Variants in SORBS2 observed in about 807,000 individuals in gnomAD.
SORBS2 encodes the protein sorbin and SH3 domain-containing protein 2.
Under a neutral mutation model 97.7 loss-of-function variants are expected in SORBS2, and 46 were observed. The ratio of observed to expected loss-of-function variants is 0.47; its 90% CI spans 0.37 to 0.60. The LOEUF is 0.60. Ranked by LOEUF, SORBS2 falls within the 20% of genes least tolerant of loss-of-function variation. The probability of loss-of-function intolerance (pLI) is 0.00; values close to 1 mark genes in which losing one functional copy is unlikely to be tolerated. For synonymous variants in SORBS2, 476 were observed against 473.4 expected, an observed-to-expected ratio of 1.01 and a Z score of -0.07; for missense variants, 1,316 against 1,282.3, an observed-to-expected ratio of 1.03 and a Z score of -0.40.
intron 5 of SORBS2, 92 bp from the exon 18 acceptor site, chr4:185,627,111 G>A (rs994950562): frequency 1.1e-5 from 12 of 1,070,176 alleles, no homozygotes; most frequent in Admixed American, 3.5e-5. Context: ...TGACAATGGC[G>A]TAACTCCTAA....
At chr4:185,646,734 C>A in exon 4 of SORBS2, 1 of 1,614,012 alleles carries the variant, frequency 6.2e-7, no homozygotes, top group Non-Finnish European at 8.5e-7. Context: ...TTGGCTCAGA[C>A]CGAAATTTTC....
intron 2 of SORBS2, among the ~76,000 whole-genome samples, chr4:185,762,550 A>G (rs1442901312): frequency 2.6e-5 from 4 of 152,154 alleles, no homozygotes; most frequent in Non-Finnish European, 5.9e-5. Context: ...GAGAGACTGA[A>G]GGTAAATCAG....
Position 185,587,719 on chromosome 4 carries a change from G to A in SORBS2, c.2954-31C>T, listed in dbSNP as rs754464510. On this transcript the variant is annotated intron_variant, in intron 14 of 14. Transcript: ENST00000418609. ...AATAGAAGCGAGTCATGAAAGGGGG[G>A]TGACAACGATATCAGTTCATACACA... 29 of 1,551,370 alleles carry A rather than the reference G, an allele frequency of 1.9e-5. No homozygotes were observed. In the Admixed American group the frequency reaches 4.7e-4, roughly 25 times the overall value.
At chr4:185,768,722 A>AC (rs2098952192) in intron 2 of SORBS2, among the ~76,000 whole-genome samples, 1 of 151,648 alleles carries the variant, frequency 6.6e-6, no homozygotes. Flanking sequence ...CAAAAAAACA[A>AC]AAAAAAATGC....
At chr4:185,754,090 TA>T (rs2098816906) in intron 2 of SORBS2, among the ~76,000 whole-genome samples, 1 of 152,128 alleles carries the variant, frequency 6.6e-6, no homozygotes, top group African/African-American at 2.4e-5. Context: ...AGATATGGTA[TA>T]TACACACCAT....
At chr4:185,793,009 G>A (rs773317509) in intron 1 of SORBS2, among the ~76,000 whole-genome samples, 2 of 152,160 alleles carry the variant, frequency 1.3e-5, no homozygotes, top group Non-Finnish European at 2.9e-5. Context: ...TCAATGAGAG[G>A]TATTTAAAGA....
chr4:185,766,801 T>C (rs549098082), intron 2 of SORBS2, among the ~76,000 whole-genome samples: 1 of 152,328 alleles, frequency 6.6e-6, no homozygotes, highest in Non-Finnish European at 1.5e-5. Context: ...GACCAGCATA[T>C]TCCAGGGGTC....
chr4:185,723,478 C>CT (rs2098532402), intron 2 of SORBS2, among the ~76,000 whole-genome samples: 1 of 152,188 alleles, frequency 6.6e-6, no homozygotes, highest in Non-Finnish European at 1.5e-5. Flanking sequence ...TTCAGAGGCT[C>CT]TAAGGGAAGT....
At chr4:185,646,269 A>C (rs961644104) in intron 4 of SORBS2, 1 of 154,980 alleles carries the variant, frequency 6.5e-6, no homozygotes, top group Non-Finnish European at 1.4e-5. Flanking sequence ...TAAGTATTGC[A>C]CTTATGAACT....
intron 1 of SORBS2, chr4:185,918,480 G>A (rs1286702592): frequency 6.6e-6 from 1 of 152,160 alleles, no homozygotes; most frequent in African/African-American, 2.4e-5. Flanking sequence ...GATCTTTACA[G>A]ATGGTGTCAA....
intron 1 of SORBS2, among the ~76,000 whole-genome samples, chr4:185,935,288 T>C (rs1053488131): frequency 3.9e-5 from 6 of 152,282 alleles, no homozygotes; most frequent in Non-Finnish European, 8.8e-5. Context: ...AGGGGCTGAG[T>C]CTCAGCTATC....
chr4:185,900,845 T>C (rs1045955688), intron 1 of SORBS2, among the ~76,000 whole-genome samples: 2 of 152,094 alleles, frequency 1.3e-5, no homozygotes, highest in Non-Finnish European at 2.9e-5. Context: ...TCTGATTCAG[T>C]CACTAAAACT....
rs1011133235 is a variant in SORBS2, at chr4:185,618,497, A to G, written c.2351+88T>C. 3 of 647,338 alleles carry G rather than the reference A, an allele frequency of 4.6e-6. No individual in the cohort carries two copies. The African/African-American group carries it at 5.4e-5, about 12-fold the overall frequency. 40.1% of individuals were successfully genotyped at this position (647,338 alleles called of 1,614,324 possible). The stretch of plus-strand genomic sequence containing the variant: ...CATTGGGAATTAGACCTCATTTGTA[A>G]CAGATCCTACTGCAATGCTTATCTC... On this transcript the variant is annotated intron_variant, in intron 9 of 14. Transcript: ENST00000418609.
chr4:185,835,430 A>G (rs2099207486), intron 1 of SORBS2, among the ~76,000 whole-genome samples: 2 of 152,232 alleles, frequency 1.3e-5, no homozygotes, highest in Admixed American at 1.3e-4. Context: ...TTAGTGGAAG[A>G]TGGAATGAAA....
intron 10 of SORBS2, 26 bp downstream of exon 22, chr4:185,615,019 C>T (rs1338104796): frequency 8.7e-6 from 14 of 1,613,198 alleles, no homozygotes; most frequent in Non-Finnish European, 1.2e-5. Context: ...CCACCGCCAT[C>T]CAAGAGAGAA....
At chr4:185,601,425 G>GT (rs1466532150) in intron 12 of SORBS2, among the ~76,000 whole-genome samples, 3 of 152,222 alleles carry the variant, frequency 2.0e-5, no homozygotes, top group Admixed American at 2.0e-4. Flanking sequence ...CTGCTGGTTC[G>GT]TGTGAGAAGG....
chr4:185,724,162 G>C (rs1583460595), intron 2 of SORBS2, among the ~76,000 whole-genome samples: 2 of 151,950 alleles, frequency 1.3e-5, no homozygotes, highest in Non-Finnish European at 2.9e-5. Context: ...AAAGATCCAG[G>C]GTTTCTTAAC....
At chr4:185,778,308 G>A (rs555894545) in intron 1 of SORBS2, among the ~76,000 whole-genome samples, 2 of 152,216 alleles carry the variant, frequency 1.3e-5, no homozygotes, top group Admixed American at 6.5e-5. Flanking sequence ...TAGGTCTGGC[G>A]GGGCCTGAAA....
Position 185,929,914 on chromosome 4 carries a change from GA to G in SORBS2, c.-338+26281del, listed in dbSNP as rs2099265630. On this transcript the variant is annotated intron_variant, in intron 1 of 20. Transcript: ENST00000284776. ...CTCATATTCTGCTATTGACGGGGAT[GA>G]ACTTGGGCAGTTTATTTCACTCTCA... 2.6e-5 allele frequency among the ~76,000 whole-genome samples: 4 copies of G among 152,290 alleles called. No individual in the cohort carries two copies. In the East Asian group the frequency reaches 7.7e-4, roughly 29 times the overall value.
Sources: allele counts gnomAD v4.1 joint callset (sites outside exome capture counted in the v4.1 genomes callset), GRCh38; gene constraint gnomAD v4.1.1; transcripts MANE v1.5; gene names NCBI Gene and HGNC (gene_info 2026-07-23, HGNC 2026-07-21).